ARID3B: variants seen among roughly 807,000 people sequenced by gnomAD.
ARID3B encodes AT-rich interaction domain 3B, also known as AT-rich interactive domain-containing protein 3B.
ARID3B carries 10 observed loss-of-function variants against 51.9 expected under a neutral mutation model. The ratio of observed to expected loss-of-function variants is 0.19; its 90% CI spans 0.12 to 0.33. The LOEUF (loss-of-function observed/expected upper bound fraction) is 0.33, where lower values mean the gene tolerates loss of function less well. Among genes scored for constraint, ARID3B ranks in the 10% least tolerant of loss-of-function variants. The pLI is 1.00. For missense variants in ARID3B, 483 were observed against 716.3 expected (o/e 0.67, Z 3.72); for synonymous variants, 205 against 279.5 (o/e 0.73, Z 2.66).
intron 2 of ARID3B, among the ~76,000 whole-genome samples, chr15:74,548,590 G>A (rs973532269): frequency 1.3e-5 from 2 of 152,134 alleles, no homozygotes; most frequent in Non-Finnish European, 2.9e-5. Context: ...AGGATGGAAG[G>A]GTTTAATTTC....
chr15:74,582,889 A>G (rs1054517294), intron 4 of ARID3B, among the ~76,000 whole-genome samples: 35 of 152,268 alleles, frequency 2.3e-4, no homozygotes, highest in African/African-American at 7.5e-4. Flanking sequence ...GGAACACTAC[A>G]CAGCCGTAGA....
At chr15:74,570,716 G>A (rs1174148983) in intron 2 of ARID3B, among the ~76,000 whole-genome samples, 1 of 152,094 alleles carries the variant, frequency 6.6e-6, no homozygotes, top group African/African-American at 2.4e-5. Flanking sequence ...AAAATCACTG[G>A]GCATTAGGGC....
At chr15:74,574,863 A>G (rs1469904639) in intron 4 of ARID3B, 1 of 152,054 alleles carries the variant, frequency 6.6e-6, no homozygotes, top group African/African-American at 2.4e-5. Flanking sequence ...TTAGCTGGGC[A>G]TGGTAGCGCG....
At chr15:74,548,079 G>A (rs1056387284) in intron 2 of ARID3B, among the ~76,000 whole-genome samples, 1 of 152,200 alleles carries the variant, frequency 6.6e-6, no homozygotes, top group African/African-American at 2.4e-5. Flanking sequence ...GATGGATAAC[G>A]CCATTGAGCC....
intron 2 of ARID3B, among the ~76,000 whole-genome samples, chr15:74,565,383 A>G (rs946932240): frequency 6.6e-6 from 1 of 152,174 alleles, no homozygotes; most frequent in Non-Finnish European, 1.5e-5. Flanking sequence ...AAGAATCTCT[A>G]TAAAAGTTGT....
chr15:74,545,601 A>G (rs1253825393), intron 2 of ARID3B, among the ~76,000 whole-genome samples: 1 of 152,220 alleles, frequency 6.6e-6, no homozygotes, highest in African/African-American at 2.4e-5. Flanking sequence ...GGTGCTTAGT[A>G]AGGGAGTTCA....
chr15:74,593,976 G>A (rs1047538205), intron 8 of ARID3B, among the ~76,000 whole-genome samples: 41 of 151,692 alleles, frequency 2.7e-4, no homozygotes, highest in Non-Finnish European at 4.6e-4. Context: ...CCAGGAGGTC[G>A]AGGCTGCAGT....
Position 74,544,314 on chromosome 15 carries a change from A to G in ARID3B, c.378A>G (p.Lys126=). 1 of 1,612,356 alleles carries G rather than the reference A, an allele frequency of 6.2e-7. No homozygotes were observed. Among genetic ancestry groups the G allele is most frequent in the Non-Finnish European group, 8.5e-7 (1 of 1,179,042 alleles). Residue 126 remains lysine (K), a synonymous_variant, in exon 2 of 9, where the codon AAA becomes AAG. Coordinates refer to ENST00000346246, the MANE Select transcript of ARID3B (RefSeq NM_006465.4). ...CTTCAAAATATTTTCATGTGCAGAA[A>G]GTAGCTCGCCAAGATCCCAGAGTGG... is the stretch of plus-strand genomic sequence containing the variant. ...QAASKYFHVQ[K]VARQDPRVAP...
At chr15:74,544,917 C>T (rs1342619535) in intron 2 of ARID3B, among the ~76,000 whole-genome samples, 1 of 152,100 alleles carries the variant, frequency 6.6e-6, no homozygotes, top group African/African-American at 2.4e-5. Context: ...GTCTCGATCT[C>T]CTGACCCCGT....
At position 74,561,746 on chromosome 15, in the gene ARID3B, G is replaced by A. The variant is rs150799863; in HGVS notation, c.553-11116G>A. 4.6e-5 allele frequency among the ~76,000 whole-genome samples: 7 copies of A among 152,334 alleles called. No individual in the cohort carries two copies. The East Asian group carries it at 1.3e-3, about 29-fold the overall frequency. On this transcript the variant is annotated intron_variant, in intron 2 of 8. Transcript: ENST00000346246. ...ATGCTGGAATAGTGCCTGGCAGGTA[G>A]TTAGCACAGATAGTCCCTGACTTAA...
chr15:74,570,668 G>C (rs1309017795), intron 2 of ARID3B, among the ~76,000 whole-genome samples: 1 of 152,026 alleles, frequency 6.6e-6, no homozygotes, highest in African/African-American at 2.4e-5. Flanking sequence ...GGGGCTCCTG[G>C]GATAATTGAC....
At chr15:74,570,506 A>C (rs1354307935) in intron 2 of ARID3B, among the ~76,000 whole-genome samples, 1 of 124,760 alleles carries the variant, frequency 8.0e-6, no homozygotes. Context: ...AAGTGTTTTC[A>C]TCTCTCTTGG....
At chr15:74,546,415 A>G (rs2141372766) in intron 2 of ARID3B, among the ~76,000 whole-genome samples, 1 of 152,338 alleles carries the variant, frequency 6.6e-6, no homozygotes, top group Middle Eastern at 3.4e-3. Flanking sequence ...GTTCCTAGAA[A>G]GTGCAGCCGC....
chr15:74,541,541 A>T (rs1445319395), intron 1 of ARID3B, among the ~76,000 whole-genome samples: 1 of 151,812 alleles, frequency 6.6e-6, no homozygotes, highest in African/African-American at 2.4e-5. Flanking sequence ...GTTTGAGATA[A>T]AGCGATGAGA....
At chr15:74,586,219 G>A (rs1336033762) in intron 4 of ARID3B, among the ~76,000 whole-genome samples, 1 of 152,224 alleles carries the variant, frequency 6.6e-6, no homozygotes, top group African/African-American at 2.4e-5. Context: ...CTTACCTGCG[G>A]TTTCTCTGTA....
At chr15:74,595,345 T>A (rs1450512305) in intron 8 of ARID3B, among the ~76,000 whole-genome samples, 1 of 152,168 alleles carries the variant, frequency 6.6e-6, no homozygotes, top group African/African-American at 2.4e-5. Flanking sequence ...GCCTTGGTGT[T>A]CCTCTTTGTG....
intron 1 of ARID3B, among the ~76,000 whole-genome samples, chr15:74,541,714 A>T (rs975758952): frequency 6.6e-6 from 1 of 151,696 alleles, no homozygotes. Context: ...GGTGACCGGG[A>T]AGGTGGGCTG....
At position 74,597,315 on chromosome 15, in the gene ARID3B, G is replaced by A. The variant is rs1192741015; in HGVS notation, c.*1541G>A. The A allele has an allele frequency of 1.9e-5, 8 of 412,496 alleles. No homozygotes were observed. The highest frequency in any genetic ancestry group is 3.9e-5 in the Admixed American group (1 of 25,706). 25.6% of individuals were successfully genotyped at this position (412,496 alleles called of 1,614,324 possible). On this transcript the variant is annotated 3_prime_UTR_variant, in exon 9 of 9. Coordinates refer to ENST00000346246, the MANE Select transcript of ARID3B (RefSeq NM_006465.4). ...CAGCAGAACACCACCACTGTGACAT[G>A]GGGCTGTGGCAGTGGGAGACACCGC...
intron 7 of ARID3B, 116 bp from the exon 8 acceptor site, chr15:74,593,022 T>C (rs2061809521): frequency 5.1e-6 from 4 of 789,092 alleles, no homozygotes; most frequent in African/African-American, 1.7e-5. Flanking sequence ...GAAGGTTACA[T>C]AGATGCCTTT....
Sources: allele counts gnomAD v4.1 joint callset (sites outside exome capture counted in the v4.1 genomes callset), GRCh38; gene constraint gnomAD v4.1.1; transcripts MANE v1.5; gene names NCBI Gene and HGNC (gene_info 2026-07-23, HGNC 2026-07-21).